Variants in ATP8B1 observed in about 807,000 individuals in gnomAD.
ATP8B1 encodes ATPase phospholipid transporting 8B1.
A neutral mutation model predicts 149.9 loss-of-function variants in ATP8B1; 80 were observed. The ratio of observed to expected loss-of-function variants is 0.53; its 90% CI spans 0.45 to 0.64. The LOEUF (loss-of-function observed/expected upper bound fraction) is 0.64, where lower values mean the gene tolerates loss of function less well. ATP8B1 is among the 30% of genes least tolerant of loss of function. The probability of loss-of-function intolerance (pLI) is 0.00; values close to 1 mark genes in which losing one functional copy is unlikely to be tolerated. For missense variants in ATP8B1, 1,247 were observed against 1,552.6 expected (o/e 0.80, Z 3.31); for synonymous variants, 536 against 562.8 (o/e 0.95, Z 0.67).
At chr18:57,657,761 T>C (rs1391922994) in intron 22 of ATP8B1, among the ~76,000 whole-genome samples, 1 of 152,226 alleles carries the variant, frequency 6.6e-6, no homozygotes, top group Non-Finnish European at 1.5e-5. Flanking sequence ...TTGGCTTATG[T>C]GGCTGAGGAA....
chr18:57,791,721 C>T (rs1006369795), intron 1 of ATP8B1, among the ~76,000 whole-genome samples: 2 of 152,144 alleles, frequency 1.3e-5, no homozygotes, highest in Admixed American at 6.6e-5. Flanking sequence ...ATTCATTCGT[C>T]GGTGGATGCC....
At chr18:57,670,911 G>A (rs867918798) in intron 17 of ATP8B1, among the ~76,000 whole-genome samples, 13 of 152,096 alleles carry the variant, frequency 8.5e-5, no homozygotes, top group Admixed American at 2.0e-4. Flanking sequence ...GTTTCACCAC[G>A]TTGGCCAGGC....
chr18:57,778,108 C>A (rs1224059605), intron 1 of ATP8B1, among the ~76,000 whole-genome samples: 1 of 152,138 alleles, frequency 6.6e-6, no homozygotes, highest in East Asian at 1.9e-4. Context: ...CAAGCGGCAA[C>A]TTTAATTGTA....
chr18:57,782,803 C>CTTTTTTTTTTTTTTTTTTTTTTT (rs79009229), intron 1 of ATP8B1, among the ~76,000 whole-genome samples: 2 of 91,178 alleles, frequency 2.2e-5, no homozygotes, highest in African/African-American at 9.8e-5. Context: ...TAGTTTGTCT[C>CTTTTTTTTTTTTTTTTTTTTTTT]TTTTTTTTTT....
At chr18:57,714,927 A>T (rs1217537936) in intron 2 of ATP8B1, among the ~76,000 whole-genome samples, 1 of 152,232 alleles carries the variant, frequency 6.6e-6, no homozygotes, top group Non-Finnish European at 1.5e-5. Flanking sequence ...CCAGGAAAAC[A>T]TGACTTCACC....
chr18:57,802,335 C>A lies in ATP8B1; in HGVS notation c.-26+663G>T, dbSNP rs1007051643. On this transcript the variant is annotated intron_variant, in intron 1 of 27. Coordinates refer to ENST00000648908, the MANE Select transcript of ATP8B1 (RefSeq NM_001374385.1). This position sits in a 1 kb window ranked among gnomAD's most constrained non-coding sequence, Gnocchi z 4.9. The stretch of plus-strand genomic sequence containing the variant: ...CCTGCAGCCATCTCAGCGGGGCTGG[C>A]GGACGCGACCCGACAGTCACCGGAA... Among the ~76,000 whole-genome samples the A allele has an allele frequency of 2.0e-5, 3 of 152,158 alleles. No individual in the cohort carries two copies. Among genetic ancestry groups the A allele is most frequent in the African/African-American group, 4.8e-5 (2 of 41,440 alleles).
intron 1 of ATP8B1, among the ~76,000 whole-genome samples, chr18:57,743,517 G>A (rs769636180): frequency 1.3e-5 from 2 of 152,140 alleles, no homozygotes; most frequent in Non-Finnish European, 2.9e-5. Flanking sequence ...AGTGAAGTGA[G>A]AGCAATCATT....
rs914687159 is a variant in ATP8B1 at position 57,775,537 on chromosome 18, T to C, written c.-26+27461A>G. On this transcript the variant is annotated intron_variant, in intron 1 of 27. Transcript: ENST00000648908. The stretch of plus-strand genomic sequence containing the variant: ...GGAGGAAGGAATTCTAACTCCATAT[T>C]ATCAAGGTCACAGATGAGTAGCCTA... 4.6e-5 allele frequency among the ~76,000 whole-genome samples: 7 copies of C among 151,906 alleles called. No individual in the cohort carries two copies. The South Asian group carries it at 1.5e-3, about 32-fold the overall frequency.
intron 1 of ATP8B1, among the ~76,000 whole-genome samples, chr18:57,778,176 A>AT (rs2123403220): frequency 6.6e-6 from 1 of 150,504 alleles, no homozygotes; most frequent in South Asian, 2.1e-4. Flanking sequence ...ATACCCCCAA[A>AT]TTTAGCAGTT....
intron 1 of ATP8B1, among the ~76,000 whole-genome samples, chr18:57,758,063 T>C (rs888986002): frequency 1.3e-5 from 2 of 152,132 alleles, no homozygotes; most frequent in Admixed American, 1.3e-4. Context: ...AGACTGGTCT[T>C]AGGCGGGAGG....
intron 2 of ATP8B1, chr18:57,731,401 A>T: frequency 2.3e-6 from 1 of 426,404 alleles, no homozygotes; most frequent in East Asian, 4.6e-5. Flanking sequence ...ACCTTAATGT[A>T]TTTTCTCTGC....
In ATP8B1 at chr18:57,747,316, G is replaced by T. The variant is rs192761588; in HGVS notation, c.-25-15484C>A. 1.1e-3 allele frequency among the ~76,000 whole-genome samples: 161 copies of T among 152,290 alleles called. 6 individuals are homozygous for T. In the East Asian group the frequency reaches 0.028, roughly 26 times the overall value. Reference sequence around the variant, plus strand: ...AAAAATACAAAAATTAGCCAGGCGTGGTGGCAGGCACCTGCAATCCCAGCT... The same window carrying T: ...AAAAATACAAAAATTAGCCAGGCGTTGTGGCAGGCACCTGCAATCCCAGCT... On this transcript the variant is annotated intron_variant, in intron 1 of 27. Transcript: ENST00000648908.
intron 1 of ATP8B1, among the ~76,000 whole-genome samples, chr18:57,793,035 A>G (rs894891794): frequency 6.6e-6 from 1 of 152,200 alleles, no homozygotes; most frequent in South Asian, 2.1e-4. Context: ...GGCTGATGGT[A>G]AACACAAAGT....
At position 57,684,039 on chromosome 18, in the gene ATP8B1, C is replaced by G. The variant is rs758440267; in HGVS notation, c.1627G>C (p.Asp543His). The change falls in exon 15 of 28, where the codon GAT (aspartate) becomes CAT (histidine). Residue 543 changes from aspartate to histidine, a missense_variant. By Grantham distance (81) the Asp-to-His change is moderately conservative (BLOSUM62 -1). Coordinates refer to ENST00000648908, the MANE Select transcript of ATP8B1 (RefSeq NM_001374385.1). Reference sequence around the variant, plus strand: ...GAGATGCCAGAGAAACACTCACCATCAGTCCTATCCACCATGACTGTGTGG... The same window carrying G: ...GAGATGCCAGAGAAACACTCACCATGAGTCCTATCCACCATGACTGTGTGG... The part of the protein sequence containing the change: ...VCHTVMVDRT[D>H]GQLNYQAASP... The G allele has an allele frequency of 1.2e-6, 2 of 1,614,188 alleles. No homozygotes were observed. Among genetic ancestry groups the G allele is most frequent in the Non-Finnish European group, 1.7e-6 (2 of 1,180,040 alleles).
chr18:57,655,576 T>C (rs1444307651), intron 22 of ATP8B1, among the ~76,000 whole-genome samples, 159 bp from the exon 23 acceptor site: 1 of 152,244 alleles, frequency 6.6e-6, no homozygotes, highest in Non-Finnish European at 1.5e-5. Context: ...CCCCAGCTCT[T>C]GAACTCAACT....
intron 1 of ATP8B1, among the ~76,000 whole-genome samples, chr18:57,786,054 CA>C (rs1182990195): frequency 1.3e-5 from 2 of 152,278 alleles, no homozygotes; most frequent in Non-Finnish European, 2.9e-5. Flanking sequence ...TAGTACCTAT[CA>C]GTGTGGAAAG....
intron 1 of ATP8B1, among the ~76,000 whole-genome samples, chr18:57,754,965 T>C (rs1479204373): frequency 6.6e-6 from 1 of 152,214 alleles, no homozygotes; most frequent in Non-Finnish European, 1.5e-5. Context: ...ACAAGGCAAC[T>C]TAGAGTTGGT....
At chr18:57,730,803 A>G (rs940181929) in intron 2 of ATP8B1, among the ~76,000 whole-genome samples, 3 of 1,246 alleles carry the variant, frequency 2.4e-3, no homozygotes, top group South Asian at 0.17. Flanking sequence ...GACCATATAC[A>G]TATATATATA....
intron 6 of ATP8B1, 84 bp downstream of exon 6, chr18:57,700,955 A>G (rs773140280): frequency 2.3e-5 from 31 of 1,367,046 alleles, no homozygotes; most frequent in Non-Finnish European, 3.2e-5. Flanking sequence ...AGCCTTCTAC[A>G]TTGTAATAAT....
Sources: gnomAD v4.1 joint callset for allele counts (sites outside exome capture counted in the v4.1 genomes callset) on GRCh38, gnomAD v4.1.1 for gene constraint, Gnocchi (gnomAD v3.1) non-coding constraint, MANE v1.5 for transcripts, NCBI Gene and HGNC (gene_info 2026-07-23, HGNC 2026-07-21) for gene names.